The following LRRC4C variants were observed in gnomAD, a reference collection of about 807,000 sequenced individuals.
LRRC4C encodes leucine-rich repeat-containing protein 4C.
Under a neutral mutation model 33.6 loss-of-function variants are expected in LRRC4C, and 5 were observed. That is an observed-to-expected ratio of 0.15 (90% CI 0.08 to 0.31). The LOEUF (loss-of-function observed/expected upper bound fraction) is 0.31, where lower values mean the gene tolerates loss of function less well. LRRC4C is among the 10% of genes least tolerant of loss of function. LRRC4C has a pLI of 1.00. For missense variants in LRRC4C, 560 were observed against 796.7 expected (o/e 0.70, Z 3.58); for synonymous variants, 329 against 302.0 (o/e 1.09, Z -0.93).
intron 1 of LRRC4C, among the ~76,000 whole-genome samples, chr11:41,142,874 G>T (rs1943570657): frequency 6.6e-6 from 1 of 152,100 alleles, no homozygotes; most frequent in Non-Finnish European, 1.5e-5. Flanking sequence ...ACAAAAACAA[G>T]TATTTCCCCA....
intron 3 of LRRC4C, among the ~76,000 whole-genome samples, chr11:40,557,753 T>A (rs1035722558): frequency 2.0e-5 from 3 of 151,926 alleles, no homozygotes; most frequent in African/African-American, 7.3e-5. Flanking sequence ...AGTAGGAAAA[T>A]TTCCAACAAT....
intron 1 of LRRC4C, among the ~76,000 whole-genome samples, chr11:41,344,713 C>A (rs545221799): frequency 5.3e-5 from 8 of 152,256 alleles, no homozygotes; most frequent in Non-Finnish European, 1.2e-4. Context: ...ATTGAATGCT[C>A]CTGAGAAGCT....
Position 40,618,714 on chromosome 11 carries a change from A to T in LRRC4C, c.-270+29428T>A, listed in dbSNP as rs553968268. Among the ~76,000 whole-genome samples the T allele has an allele frequency of 4.6e-5, 7 of 151,818 alleles. No homozygotes were observed. In the South Asian group the frequency reaches 1.4e-3, roughly 31 times the overall value. The stretch of plus-strand genomic sequence containing the variant: ...CACTATGTGAGTAATAATTTTTATT[A>T]TTTCCTCCTAGTGCAGGTGTGACTT... On this transcript the variant is annotated intron_variant, in intron 3 of 6. Coordinates refer to ENST00000528697, the MANE Select transcript of LRRC4C (RefSeq NM_001258419.2).
intron 1 of LRRC4C, among the ~76,000 whole-genome samples, chr11:41,174,907 A>G (rs938856212): frequency 1.3e-5 from 2 of 152,032 alleles, no homozygotes; most frequent in African/African-American, 4.8e-5. Flanking sequence ...TCTCACTTTA[A>G]TATTATATAT....
chr11:40,777,071 C>A (rs1212986533), intron 2 of LRRC4C, among the ~76,000 whole-genome samples: 2 of 152,042 alleles, frequency 1.3e-5, no homozygotes, highest in Admixed American at 1.3e-4. Context: ...TATTTTAGTT[C>A]CACTACGGTC....
At chr11:40,406,900 T>C (rs1177687408) in intron 3 of LRRC4C, among the ~76,000 whole-genome samples, 2 of 152,184 alleles carry the variant, frequency 1.3e-5, no homozygotes, top group Admixed American at 6.5e-5. Context: ...CCCAGTAAGA[T>C]GAAGAAAATC....
intron 3 of LRRC4C, among the ~76,000 whole-genome samples, chr11:40,419,073 C>T (rs771406195): frequency 1.3e-5 from 2 of 151,988 alleles, no homozygotes; most frequent in Non-Finnish European, 2.9e-5. Context: ...ACCAACATGG[C>T]ACACATTTAC....
intron 3 of LRRC4C, among the ~76,000 whole-genome samples, chr11:40,600,133 GA>G (rs1366207439): frequency 2.6e-5 from 4 of 152,298 alleles, no homozygotes; most frequent in African/African-American, 9.6e-5. Flanking sequence ...GAGAAATATG[GA>G]AGTTCAGGGT....
At chr11:40,462,624 A>G (rs1172161426) in intron 3 of LRRC4C, among the ~76,000 whole-genome samples, 1 of 152,110 alleles carries the variant, frequency 6.6e-6, no homozygotes, top group Non-Finnish European at 1.5e-5. Flanking sequence ...AAATACACAC[A>G]CAAATAAATA....
chr11:41,258,095 A>T (rs1389986368), intron 1 of LRRC4C, among the ~76,000 whole-genome samples: 1 of 152,022 alleles, frequency 6.6e-6, no homozygotes, highest in Non-Finnish European at 1.5e-5. Flanking sequence ...CAAAAAAAGA[A>T]TAAGAGGAAC....
chr11:40,576,184 C>T (rs1958184694), intron 3 of LRRC4C, among the ~76,000 whole-genome samples: 1 of 152,152 alleles, frequency 6.6e-6, no homozygotes, highest in Non-Finnish European at 1.5e-5. Flanking sequence ...AGATAAAACA[C>T]CTGTTTGGAC....
intron 1 of LRRC4C, among the ~76,000 whole-genome samples, chr11:40,979,870 T>C (rs1215133316): frequency 6.6e-6 from 1 of 152,222 alleles, no homozygotes; most frequent in Non-Finnish European, 1.5e-5. Flanking sequence ...CTTTTCTTGA[T>C]GTGAATCTTA....
chr11:40,137,673 A>C (rs1296746067), intron 6 of LRRC4C, among the ~76,000 whole-genome samples: 1 of 152,176 alleles, frequency 6.6e-6, no homozygotes, highest in Non-Finnish European at 1.5e-5. Context: ...TTTTAATTAT[A>C]AAAAGGACCC....
At chr11:41,004,656 T>G (rs1375255287) in intron 1 of LRRC4C, among the ~76,000 whole-genome samples, 2 of 152,190 alleles carry the variant, frequency 1.3e-5, no homozygotes, top group African/African-American at 4.8e-5. Context: ...AGTTGACTTA[T>G]TGTAGGTAAA....
At chr11:40,198,957 G>A (rs1862488084) in intron 5 of LRRC4C, among the ~76,000 whole-genome samples, 1 of 152,208 alleles carries the variant, frequency 6.6e-6, no homozygotes, top group Admixed American at 6.5e-5. Context: ...ACTGTTCTAG[G>A]TAGCAGGAAG....
chr11:40,394,636 C>G lies in LRRC4C; in HGVS notation c.-269-74915G>C, dbSNP rs1032548578. On this transcript the variant is annotated intron_variant, in intron 3 of 6. Transcript: ENST00000528697. ...TAGTTCCACATGCCACCTCAAATGACCCAAAAGAAGCTCTGTGGTTCATGG... is the reference window on the plus strand; with the variant it reads ...TAGTTCCACATGCCACCTCAAATGAGCCAAAAGAAGCTCTGTGGTTCATGG... Among the ~76,000 whole-genome samples the G allele has an allele frequency of 2.6e-5, 4 of 152,102 alleles. 1 individual carries two copies. The highest frequency in any genetic ancestry group is 4.8e-5 in the African/African-American group (2 of 41,434).
chr11:41,006,751 G>A (rs1781488875), intron 1 of LRRC4C, among the ~76,000 whole-genome samples: 1 of 152,028 alleles, frequency 6.6e-6, no homozygotes, highest in Admixed American at 6.6e-5. Flanking sequence ...AAGCTTCAAG[G>A]ATTAAATAAC....
At chr11:40,842,971 G>A (rs993048650) in intron 2 of LRRC4C, among the ~76,000 whole-genome samples, 4 of 152,142 alleles carry the variant, frequency 2.6e-5, no homozygotes, top group African/African-American at 7.2e-5. Flanking sequence ...AGCACAGAAC[G>A]AAACCTGTGT....
intron 1 of LRRC4C, among the ~76,000 whole-genome samples, chr11:41,019,453 C>T (rs777581594): frequency 4.1e-4 from 62 of 151,940 alleles, no homozygotes; most frequent in Non-Finnish European, 5.0e-4. Flanking sequence ...CATGTCTTTG[C>T]TATTGTAAAT....
Sources: allele counts gnomAD v4.1 joint callset (sites outside exome capture counted in the v4.1 genomes callset), GRCh38; gene constraint gnomAD v4.1.1; transcripts MANE v1.5; gene names NCBI Gene and HGNC (gene_info 2026-07-23, HGNC 2026-07-21).